PCSK6: variants seen among roughly 807,000 people sequenced by gnomAD.
PCSK6 encodes the protein paired basic amino acid cleaving enzyme 4.
A neutral mutation model predicts 123.3 loss-of-function variants in PCSK6; 85 were observed. The observed-to-expected ratio is 0.69, with a 90% CI of 0.58 to 0.83. The LOEUF (loss-of-function observed/expected upper bound fraction) is 0.83, where lower values mean the gene tolerates loss of function less well. Ranked by LOEUF, PCSK6 falls within the 40% of genes least tolerant of loss-of-function variation. The pLI, the probability that PCSK6 is intolerant of heterozygous loss-of-function variation, is 0.00. For synonymous variants in PCSK6, 508 were observed against 516.0 expected, an observed-to-expected ratio of 0.98 and a Z score of 0.21; for missense variants, 1,191 against 1,282.3, an observed-to-expected ratio of 0.93 and a Z score of 1.09.
At chr15:101,407,055 C>T (rs538088486) in intron 6 of PCSK6, among the ~76,000 whole-genome samples, 2 of 152,064 alleles carry the variant, frequency 1.3e-5, no homozygotes, top group Middle Eastern at 3.2e-3. Context: ...TCTCAGCCAG[C>T]GACCTCCAAG....
At chr15:101,471,340 C>A (rs115278311) in intron 1 of PCSK6, among the ~76,000 whole-genome samples, 1 of 111,270 alleles carries the variant, frequency 9.0e-6, no homozygotes, top group Non-Finnish European at 1.9e-5. Flanking sequence ...TGGGGTCTCT[C>A]CCACGTCCAC....
rs1431175325 is a variant in PCSK6, at chr15:101,415,223, CT to C, written c.823+12668del. 1.1e-4 allele frequency among the ~76,000 whole-genome samples: 17 copies of C among 152,240 alleles called. 1 individual carries two copies. Among genetic ancestry groups the C allele is most frequent in the Admixed American group, 1.1e-3 (17 of 15,288 alleles). ...AAAAGTAAGAAAGACTCCAGAACTT[CT>C]GAATGAACTTGATAGAACACACAGG... On this transcript the variant is annotated intron_variant, in intron 6 of 21. Transcript: ENST00000611716.
In PCSK6 at chr15:101,305,244, GCA is replaced by G; in HGVS notation, c.*12_*13del. ...GGATGGGAGTGCCTGCCCTCTGTGG[GCA>G]GCTAGGCACCCTTACCCGGCCAGGA... On this transcript the variant is annotated 3_prime_UTR_variant, in exon 22 of 22. Coordinates refer to ENST00000611716, the MANE Select transcript of PCSK6 (RefSeq NM_002570.5). This position sits in a 1 kb window ranked among gnomAD's most constrained non-coding sequence, Gnocchi z 4.8. 1 of 1,600,170 alleles carries G rather than the reference GCA, an allele frequency of 6.2e-7. No individual in the cohort carries two copies. The highest frequency in any genetic ancestry group is 8.5e-7 in the Non-Finnish European group (1 of 1,172,742).
intron 13 of PCSK6, among the ~76,000 whole-genome samples, chr15:101,345,960 G>T (rs147757264): frequency 6.6e-6 from 1 of 152,168 alleles, no homozygotes; most frequent in Non-Finnish European, 1.5e-5. Context: ...GAGCCACCAC[G>T]CCAGAAAGGG....
intron 2 of PCSK6, among the ~76,000 whole-genome samples, chr15:101,441,097 TAGA>T (rs1596335874): frequency 6.6e-6 from 1 of 152,170 alleles, no homozygotes; most frequent in Non-Finnish European, 1.5e-5. Flanking sequence ...GATGCATTGA[TAGA>T]AGCCTTGCCA....
At chr15:101,411,409 G>A (rs182823243) in intron 6 of PCSK6, among the ~76,000 whole-genome samples, 11 of 152,126 alleles carry the variant, frequency 7.2e-5, no homozygotes, top group East Asian at 3.9e-4. Context: ...AGTCCGCCTC[G>A]CACCCTTCTC....
rs1275488950 is a variant in PCSK6 at position 101,489,459 on chromosome 15, G to C, written c.212C>G (p.Thr71Ser). Residue 71 changes from threonine to serine, a missense_variant, in exon 1 of 22, where the codon ACC (threonine) becomes AGC (serine). Around this residue, in one of 3 missense-constraint regions of PCSK6, gnomAD observed 204 missense variants for 166.4 expected, o/e 1.23. Coordinates refer to ENST00000611716, the MANE Select transcript of PCSK6 (RefSeq NM_002570.5). ...CSAPPPRPVY[T>S]NHWAVQVLGG... ...CAGCACTTGCACCGCCCAGTGGTTGGTGTAGACGGGGCGCGGCGGGGGCGC... is the reference window on the plus strand; with the variant it reads ...CAGCACTTGCACCGCCCAGTGGTTGCTGTAGACGGGGCGCGGCGGGGGCGC... 3.5e-6 allele frequency: 4 copies of C among 1,142,358 alleles called. No homozygotes were observed. Among genetic ancestry groups the C allele is most frequent in the Non-Finnish European group, 4.3e-6 (4 of 929,690 alleles). 70.8% of individuals were successfully genotyped at this position (1,142,358 alleles called of 1,614,324 possible).
chr15:101,482,157 G>C (rs1488755590), intron 1 of PCSK6, among the ~76,000 whole-genome samples: 1 of 152,280 alleles, frequency 6.6e-6, no homozygotes, highest in East Asian at 1.9e-4. Flanking sequence ...CGAGGTGACA[G>C]CAGTAGAAGG....
At chr15:101,407,921 C>T (rs1319942696) in intron 6 of PCSK6, among the ~76,000 whole-genome samples, 1 of 152,250 alleles carries the variant, frequency 6.6e-6, no homozygotes, top group Non-Finnish European at 1.5e-5. Flanking sequence ...TAATCGGGTC[C>T]TGTTGATTCT....
intron 1 of PCSK6, among the ~76,000 whole-genome samples, chr15:101,472,049 G>T (rs1007045140): frequency 3.3e-5 from 5 of 151,902 alleles, no homozygotes; most frequent in Non-Finnish European, 7.4e-5. Flanking sequence ...AAAGCTAAAT[G>T]ACCCAGAAAA....
chr15:101,459,866 C>T (rs979642545), intron 1 of PCSK6, among the ~76,000 whole-genome samples: 10 of 151,982 alleles, frequency 6.6e-5, no homozygotes, highest in Admixed American at 1.3e-4. Flanking sequence ...AGACAGCCCA[C>T]GCCCCCACCT....
intron 19 of PCSK6, chr15:101,313,761 C>CACA (rs1448916647): frequency 2.3e-6 from 1 of 430,730 alleles, no homozygotes; most frequent in African/African-American, 2.0e-5. Context: ...TGCCCACTGG[C>CACA]CGTGCCACGA....
intron 5 of PCSK6, among the ~76,000 whole-genome samples, 153 bp downstream of exon 5, chr15:101,429,834 C>T (rs2056386364): frequency 2.0e-5 from 3 of 152,234 alleles, no homozygotes; most frequent in Non-Finnish European, 1.5e-5. Context: ...CTGTGCCTGG[C>T]ATGGCCTGTG....
chr15:101,477,576 TGGTG>T (rs937679800), intron 1 of PCSK6, among the ~76,000 whole-genome samples: 1 of 152,098 alleles, frequency 6.6e-6, no homozygotes, highest in Non-Finnish European at 1.5e-5. Flanking sequence ...TATTTTGGGG[TGGTG>T]GGACTATGGG....
chr15:101,317,348 G>A (rs1025523967), intron 19 of PCSK6, among the ~76,000 whole-genome samples: 1 of 152,220 alleles, frequency 6.6e-6, no homozygotes, highest in Admixed American at 6.5e-5. Context: ...CCCACAGACT[G>A]ATGGTGCACT....
At position 101,446,668 on chromosome 15, in the gene PCSK6, G is replaced by C. The variant is rs371172517; in HGVS notation, c.298-3008C>G. On this transcript the variant is annotated intron_variant, in intron 1 of 21. Transcript: ENST00000611716. ...CATATGTGAACTCTGAAACAGAAAA[G>C]GCTGCCAGCCTGTGATGTACAGCAT... is the stretch of plus-strand genomic sequence containing the variant. Among the ~76,000 whole-genome samples, 19 of 152,336 alleles carry C rather than the reference G, an allele frequency of 1.2e-4. 2 individuals carry two copies. The highest frequency in any genetic ancestry group is 8.3e-4 in the South Asian group (4 of 4,826).
In PCSK6 at chr15:101,392,593, C is replaced by CTTTTTTTTTTTTTTTTTTTTT. The variant is rs10525638; in HGVS notation, c.1209+618_1209+619insAAAAAAAAAAAAAAAAAAAAA. Among the ~76,000 whole-genome samples, 330 of 122,272 alleles carry CTTTTTTTTTTTTTTTTTTTTT rather than the reference C, an allele frequency of 2.7e-3. 12 individuals are homozygous for CTTTTTTTTTTTTTTTTTTTTT. The highest frequency in any genetic ancestry group is 7.7e-3 in the African/African-American group (234 of 30,390). The allele number at this position is 122,272 out of a possible 152,430, so 80.2% of individuals were successfully genotyped here. A position where few individuals can be genotyped will look rare whatever the true frequency, so the allele number is the denominator to read the frequency against. On this transcript the variant is annotated intron_variant, in intron 8 of 21. Transcript: ENST00000611716. The stretch of plus-strand genomic sequence containing the variant: ...TTTGAACTGGAAACCCTCCCTTCCT[C>CTTTTTTTTTTTTTTTTTTTTT]TTTTTTTTTTTTTTTTTAAGTAGGA...
chr15:101,415,845 A>G (rs1355761768), intron 6 of PCSK6, among the ~76,000 whole-genome samples: 3 of 152,198 alleles, frequency 2.0e-5, no homozygotes, highest in Non-Finnish European at 4.4e-5. Context: ...CCACCACCAT[A>G]TAAGAAGTGG....
At chr15:101,474,165 CTGTT>C (rs919567106) in intron 1 of PCSK6, among the ~76,000 whole-genome samples, 9 of 152,170 alleles carry the variant, frequency 5.9e-5, no homozygotes, top group African/African-American at 1.2e-4. Context: ...ATTGGGATTT[CTGTT>C]TGTTTGTTTA....
Sources: gnomAD v4.1 joint callset for allele counts (sites outside exome capture counted in the v4.1 genomes callset) on GRCh38, gnomAD v4.1.1 for gene constraint, gnomAD v4.1.1 regional missense constraint, Gnocchi (gnomAD v3.1) non-coding constraint, MANE v1.5 for transcripts, NCBI Gene and HGNC (gene_info 2026-07-23, HGNC 2026-07-21) for gene names.